Variants in SKOR2 observed in about 807,000 individuals in gnomAD.
The protein encoded by SKOR2 is LBX1 corepressor 1-like protein.
In SKOR2, 47 loss-of-function variants were observed where a neutral mutation model predicts 69.1. The observed-to-expected ratio is 0.68, with a 90% CI of 0.54 to 0.87. The LOEUF (loss-of-function observed/expected upper bound fraction) is 0.87. Ranked by LOEUF, SKOR2 falls within the 40% of genes least tolerant of loss-of-function variation. The probability of loss-of-function intolerance (pLI) is 0.00; values close to 1 mark genes in which losing one functional copy is unlikely to be tolerated. For missense variants in SKOR2, 1,404 were observed against 1,472.2 expected, an observed-to-expected ratio of 0.95 and a Z score of 0.76; for synonymous variants, 717 against 672.6, an observed-to-expected ratio of 1.07 and a Z score of -1.02.
intron 7 of SKOR2, among the ~76,000 whole-genome samples, chr18:47,214,894 C>T (rs2064139051): frequency 6.6e-6 from 1 of 151,776 alleles, no homozygotes; most frequent in Non-Finnish European, 1.5e-5. Flanking sequence ...TCTTGACCAG[C>T]TTAGAAATTA....
At chr18:47,217,709 G>A (rs1199953401) in intron 7 of SKOR2, among the ~76,000 whole-genome samples, 2 of 152,048 alleles carry the variant, frequency 1.3e-5, no homozygotes, top group Non-Finnish European at 2.9e-5. Context: ...GAAAACCTTG[G>A]GCATCTAATG....
chr18:47,249,989 A>G (rs1030976061), intron 1 of SKOR2, among the ~76,000 whole-genome samples: 1 of 152,218 alleles, frequency 6.6e-6, no homozygotes, highest in African/African-American at 2.4e-5. Context: ...CATGAAGTTG[A>G]AGATGGTAGT....
Position 47,246,561 on chromosome 18 carries a change from G to T in SKOR2, c.2613+10C>A. The stretch of plus-strand genomic sequence containing the variant: ...TAATTAGCTTGAAGGAGCCTAAAGG[G>T]GATATTTACATCTTTGTAGGAGGGC... On this transcript the variant is annotated intron_variant, in intron 2 of 8. Coordinates refer to ENST00000425639, the MANE Select transcript of SKOR2 (RefSeq NM_001278063.4). 1 of 1,511,538 alleles carries T rather than the reference G, an allele frequency of 6.6e-7. No individual in the cohort carries two copies. Among genetic ancestry groups the T allele is most frequent in the South Asian group, 1.2e-5 (1 of 82,180 alleles). The allele number at this position is 1,511,538 out of a possible 1,614,324, so 93.6% of individuals were successfully genotyped here.
At position 47,248,097 on chromosome 18, in the gene SKOR2, C is replaced by G; in HGVS notation, c.1087G>C (p.Gly363Arg). The G allele has an allele frequency of 7.4e-7, 1 of 1,359,002 alleles. No individual in the cohort carries two copies. Among genetic ancestry groups the G allele is most frequent in the Non-Finnish European group, 9.4e-7 (1 of 1,060,254 alleles). The allele number at this position is 1,359,002 out of a possible 1,614,324, so 84.2% of individuals were successfully genotyped here. A position where few individuals can be genotyped will look rare whatever the true frequency, so the allele number is the denominator to read the frequency against. Residue 363 changes from glycine to arginine, a missense_variant, in exon 2 of 9, where the codon GGC becomes CGC. Transcript: ENST00000425639. This position sits in a 1 kb window ranked among gnomAD's most constrained non-coding sequence, Gnocchi z 6.4. ...CCGGCACCCGCCCCCGCGCCCGCGC[C>G]CACGCCCACGCCGGCCACACAGCCA... ...GGGCVAGVGV[G>R]AGAGAGAGAG... is the part of the protein sequence containing the mutation.
chr18:47,230,869 C>T lies in SKOR2; in HGVS notation c.2818+66G>A, dbSNP rs958597306. 4.1e-6 allele frequency: 6 copies of T among 1,451,798 alleles called. No homozygotes were observed. The African/African-American group carries it at 5.7e-5, about 14-fold the overall frequency. The allele number at this position is 1,451,798 out of a possible 1,614,324, so 89.9% of individuals were successfully genotyped here. A position where few individuals can be genotyped will look rare whatever the true frequency, so the allele number is the denominator to read the frequency against. ...AAAATATGGTGGAGAACAAAAATAT[C>T]CTCCTATTATCTCCACAGTCGTTTA... On this transcript the variant is annotated intron_variant, in intron 5 of 8. Coordinates refer to ENST00000425639, the MANE Select transcript of SKOR2 (RefSeq NM_001278063.4).
At chr18:47,231,694 T>C (rs2064200185) in intron 4 of SKOR2, among the ~76,000 whole-genome samples, 1 of 151,720 alleles carries the variant, frequency 6.6e-6, no homozygotes, top group Admixed American at 6.6e-5. Flanking sequence ...AAATACAAAA[T>C]TAGCTGGGCG....
At chr18:47,226,808 T>C (rs917285445) in intron 6 of SKOR2, among the ~76,000 whole-genome samples, 31 of 152,322 alleles carry the variant, frequency 2.0e-4, no homozygotes, top group African/African-American at 7.2e-4. Flanking sequence ...ACTCATTTAA[T>C]CCTCTCCACA....
chr18:47,235,145 G>C (rs1415229865), intron 4 of SKOR2, among the ~76,000 whole-genome samples: 2 of 152,164 alleles, frequency 1.3e-5, no homozygotes, highest in Non-Finnish European at 2.9e-5. Context: ...GAGAGTGCTT[G>C]AACCCAGGAG....
intron 4 of SKOR2, among the ~76,000 whole-genome samples, chr18:47,235,167 A>G (rs1484494965): frequency 6.6e-6 from 1 of 152,134 alleles, no homozygotes; most frequent in Non-Finnish European, 1.5e-5. Flanking sequence ...TTGATACCAG[A>G]CTGCGCAACA....
At position 47,219,545 on chromosome 18, in the gene SKOR2, G is replaced by A. The variant is rs111697104; in HGVS notation, c.2985+398C>T. ...TTGATTAATTGTGCTCATTAATTGT[G>A]TTTTATTGGTAGTGGAGGGCCTGGC... On this transcript the variant is annotated intron_variant, in intron 7 of 8. Transcript: ENST00000425639. Among the ~76,000 whole-genome samples the A allele has an allele frequency of 7.7e-3, 1,178 of 152,210 alleles. 11 individuals carry two copies. Among genetic ancestry groups the A allele is most frequent in the African/African-American group, 0.027 (1,124 of 41,526 alleles).
intron 8 of SKOR2, among the ~76,000 whole-genome samples, chr18:47,207,857 T>C (rs2064117498): frequency 1.3e-5 from 2 of 152,026 alleles, no homozygotes; most frequent in South Asian, 4.1e-4. Flanking sequence ...TATTCCAGAC[T>C]CTCCAGAAAG....
chr18:47,215,273 C>T (rs780772283), intron 7 of SKOR2, among the ~76,000 whole-genome samples: 2 of 152,244 alleles, frequency 1.3e-5, no homozygotes, highest in Admixed American at 6.5e-5. Context: ...CCTTTTGATG[C>T]ATATTTAGAC....
At chr18:47,207,545 G>T (rs1264802140) in intron 8 of SKOR2, among the ~76,000 whole-genome samples, 1 of 152,064 alleles carries the variant, frequency 6.6e-6, no homozygotes, top group Non-Finnish European at 1.5e-5. Flanking sequence ...CAGTGTGTTG[G>T]TCCAAAGATT....
chr18:47,213,923 C>T (rs72911222), intron 7 of SKOR2, among the ~76,000 whole-genome samples: 1,833 of 152,188 alleles, frequency 0.012, 21 homozygotes, highest in Non-Finnish European at 0.019. Context: ...CTGCAATGTG[C>T]CAAAGCATAT....
chr18:47,231,949 T>C (rs962252209), intron 4 of SKOR2, among the ~76,000 whole-genome samples: 1 of 151,888 alleles, frequency 6.6e-6, no homozygotes, highest in Non-Finnish European at 1.5e-5. Context: ...GAGACCAACC[T>C]GGGTAACATG....
At chr18:47,223,684 T>C (rs1043296722) in intron 6 of SKOR2, among the ~76,000 whole-genome samples, 5 of 152,214 alleles carry the variant, frequency 3.3e-5, no homozygotes, top group Admixed American at 6.5e-5. Flanking sequence ...TACATTTCAT[T>C]TTGTTTTATA....
At chr18:47,245,967 T>C (rs996994652) in intron 2 of SKOR2, among the ~76,000 whole-genome samples, 1 of 149,182 alleles carries the variant, frequency 6.7e-6, no homozygotes, top group African/African-American at 2.4e-5. Context: ...TTTGGTCTTT[T>C]AGGGGTCCCA....
chr18:47,241,464 G>A (rs1403057002), intron 4 of SKOR2, among the ~76,000 whole-genome samples: 3 of 151,984 alleles, frequency 2.0e-5, no homozygotes, highest in Non-Finnish European at 4.4e-5. Flanking sequence ...CCCCAGTCTG[G>A]GATTTTCTCA....
chr18:47,217,263 G>T (rs139353332), intron 7 of SKOR2, among the ~76,000 whole-genome samples: 2 of 152,142 alleles, frequency 1.3e-5, no homozygotes, highest in African/African-American at 4.8e-5. Context: ...GCATATTATG[G>T]CTTGTATGTA....
Sources: gnomAD v4.1 joint callset for allele counts (sites outside exome capture counted in the v4.1 genomes callset) on GRCh38, gnomAD v4.1.1 for gene constraint, Gnocchi (gnomAD v3.1) non-coding constraint, MANE v1.5 for transcripts, NCBI Gene and HGNC (gene_info 2026-07-23, HGNC 2026-07-21) for gene names.